The following CCDC90B variants were observed in gnomAD, a reference collection of about 807,000 sequenced individuals.
The protein encoded by CCDC90B is coiled-coil domain containing 90B, also known as coiled-coil domain-containing protein 90B, mitochondrial.
Under a neutral mutation model 37.0 loss-of-function variants are expected in CCDC90B, and 24 were observed. The ratio of observed to expected loss-of-function variants is 0.65; its 90% CI spans 0.47 to 0.91. The LOEUF (loss-of-function observed/expected upper bound fraction) is 0.91. Ranked by LOEUF, CCDC90B falls within the 40% of genes least tolerant of loss-of-function variation. The pLI is 0.00. For missense variants in CCDC90B, 319 were observed against 299.0 expected (o/e 1.07, Z -0.49); for synonymous variants, 113 against 101.1 (o/e 1.12, Z -0.71).
chr11:83,286,105 A>G lies in CCDC90B; in HGVS notation c.-133T>C. 1 of 1,536,656 alleles carries G rather than the reference A, an allele frequency of 6.5e-7. No homozygotes were observed. The highest frequency in any genetic ancestry group is 8.7e-7 in the Non-Finnish European group (1 of 1,146,894). On this transcript the variant is annotated 5_prime_UTR_variant, in exon 1 of 9. Transcript: ENST00000529689. ...TCGCTCTGTCACAAGCTCACCTCCC[A>G]GCGCAGGCGCCACCGTGGTCCCACG...
intron 8 of CCDC90B, among the ~76,000 whole-genome samples, chr11:83,263,460 T>C (rs1326326407): frequency 2.6e-5 from 4 of 152,220 alleles, no homozygotes; most frequent in African/African-American, 9.6e-5. Flanking sequence ...TAGGGAGACA[T>C]TCTACATATA....
Position 83,274,749 on chromosome 11 carries a change from C to A in CCDC90B, c.325-9G>T, listed in dbSNP as rs755852395. The A allele has an allele frequency of 1.2e-5, 19 of 1,556,220 alleles. No individual in the cohort carries two copies. The highest frequency in any genetic ancestry group is 1.7e-5 in the Admixed American group (1 of 57,404). On this transcript the variant is annotated splice_polypyrimidine_tract_variant and intron_variant, in intron 3 of 8. Coordinates refer to ENST00000529689, the MANE Select transcript of CCDC90B (RefSeq NM_021825.5). ...TGTTGTACTGTTATTTCCTAGAAAA[C>A]AAAATAAAAATAACCTAGTGATCTA...
intron 7 of CCDC90B, among the ~76,000 whole-genome samples, chr11:83,268,231 C>G (rs879721733): frequency 6.6e-6 from 1 of 152,160 alleles, no homozygotes; most frequent in Non-Finnish European, 1.5e-5. Context: ...ATCATAATGA[C>G]AGGATCAAAT....
chr11:83,280,811 C>T (rs576871939), intron 1 of CCDC90B, among the ~76,000 whole-genome samples: 4 of 152,314 alleles, frequency 2.6e-5, no homozygotes, highest in African/African-American at 9.6e-5. Flanking sequence ...CTGTGGTTTT[C>T]ACTACTGTAT....
chr11:83,272,264 T>A (rs568541603), intron 7 of CCDC90B, among the ~76,000 whole-genome samples: 131 of 152,176 alleles, frequency 8.6e-4, no homozygotes, highest in African/African-American at 1.5e-3. Flanking sequence ...AATTTTTTTT[T>A]AAAAACACTA....
rs185162923 is a variant in CCDC90B, at chr11:83,273,464, G to C, written c.594+183C>G. ...TTCTTACTTCAAGGTCATGGCTCAT[G>C]GGCGACCATCTACCTGGTGCCAGGT... On this transcript the variant is annotated intron_variant, in intron 7 of 8. Coordinates refer to ENST00000529689, the MANE Select transcript of CCDC90B (RefSeq NM_021825.5). 9 of 433,974 alleles carry C rather than the reference G, an allele frequency of 2.1e-5. No individual in the cohort carries two copies. In the East Asian group the frequency reaches 3.1e-4, roughly 15 times the overall value. 26.9% of individuals were successfully genotyped at this position (433,974 alleles called of 1,614,324 possible).
chr11:83,276,180 A>C (rs1865015374), intron 3 of CCDC90B, among the ~76,000 whole-genome samples: 2 of 152,152 alleles, frequency 1.3e-5, no homozygotes, highest in South Asian at 4.1e-4. Flanking sequence ...ATTAATTCAG[A>C]AGTCACACAG....
At chr11:83,268,063 T>C (rs566187980) in intron 7 of CCDC90B, among the ~76,000 whole-genome samples, 4 of 152,274 alleles carry the variant, frequency 2.6e-5, no homozygotes, top group South Asian at 2.1e-4. Flanking sequence ...CTGAGAGATT[T>C]TGTCACCACC....
At chr11:83,269,878 G>A (rs554090070) in intron 7 of CCDC90B, among the ~76,000 whole-genome samples, 59 of 152,220 alleles carry the variant, frequency 3.9e-4, no homozygotes, top group African/African-American at 1.3e-3. Context: ...AGCAATATCC[G>A]TGATGAACGT....
Position 83,260,751 on chromosome 11 carries a change from G to C in CCDC90B, c.*1160C>G, listed in dbSNP as rs1386706149. ...TAAGACTGAAGAACTAAGATGAAAA[G>C]GATATTTTAAAATTTCTTTGAAATT... is the stretch of plus-strand genomic sequence containing the variant. On this transcript the variant is annotated 3_prime_UTR_variant, in exon 9 of 9. Coordinates refer to ENST00000529689, the MANE Select transcript of CCDC90B (RefSeq NM_021825.5). The C allele has an allele frequency of 6.6e-6, 1 of 151,990 alleles. No homozygotes were observed. The highest frequency in any genetic ancestry group is 1.5e-5 in the Non-Finnish European group (1 of 68,010). The allele number at this position is 151,990 out of a possible 1,614,324, so 9.4% of individuals were successfully genotyped here.
intron 3 of CCDC90B, among the ~76,000 whole-genome samples, chr11:83,277,556 C>T (rs982220187): frequency 7.9e-5 from 12 of 152,080 alleles, no homozygotes; most frequent in Non-Finnish European, 1.6e-4. Context: ...AATGTTGGCT[C>T]ATTGCAACCT....
At chr11:83,269,659 T>C (rs751174377) in intron 7 of CCDC90B, among the ~76,000 whole-genome samples, 6 of 152,196 alleles carry the variant, frequency 3.9e-5, no homozygotes, top group African/African-American at 7.2e-5. Context: ...ATTGAGGCAG[T>C]AATTAATAGC....
chr11:83,266,320 G>C (rs1864270448), intron 7 of CCDC90B, among the ~76,000 whole-genome samples: 1 of 152,254 alleles, frequency 6.6e-6, no homozygotes, highest in South Asian at 2.1e-4. Context: ...CACCCTGGAA[G>C]CGCAAGGGGT....
intron 4 of CCDC90B, chr11:83,274,316 G>T (rs963465150): frequency 1.1e-5 from 3 of 278,658 alleles, no homozygotes; most frequent in African/African-American, 4.4e-5. Context: ...TTTAGTACAG[G>T]ATTAAATAAA....
intron 8 of CCDC90B, among the ~76,000 whole-genome samples, chr11:83,262,909 C>A (rs1864012689): frequency 6.6e-6 from 1 of 152,158 alleles, no homozygotes; most frequent in Admixed American, 6.5e-5. Flanking sequence ...GATCCTGCTA[C>A]TATTTGCTGT....
At position 83,261,893 on chromosome 11, in the gene CCDC90B, G is replaced by T; in HGVS notation, c.*18C>A. 6.3e-7 allele frequency: 1 copy of T among 1,582,192 alleles called. No individual in the cohort carries two copies. The highest frequency in any genetic ancestry group is 8.6e-7 in the Non-Finnish European group (1 of 1,159,928). Reference sequence around the variant, plus strand: ...GTGTTCTAAGAAGCCAACAGCCACAGCAGGATGAGCATTAATACTACTTCC... The same window carrying T: ...GTGTTCTAAGAAGCCAACAGCCACATCAGGATGAGCATTAATACTACTTCC... On this transcript the variant is annotated 3_prime_UTR_variant, in exon 9 of 9. Transcript: ENST00000529689.
At chr11:83,272,699 G>C (rs979393598) in intron 7 of CCDC90B, among the ~76,000 whole-genome samples, 8 of 152,172 alleles carry the variant, frequency 5.3e-5, no homozygotes, top group Non-Finnish European at 1.0e-4. Context: ...AGTAAGGGAA[G>C]AGAATAAGAT....
chr11:83,283,333 C>G (rs1451267445), intron 1 of CCDC90B, among the ~76,000 whole-genome samples: 1 of 152,212 alleles, frequency 6.6e-6, no homozygotes, highest in Non-Finnish European at 1.5e-5. Flanking sequence ...GAGAAGTTAT[C>G]CAGACAGGAT....
chr11:83,271,687 C>T (rs1864679131), intron 7 of CCDC90B, among the ~76,000 whole-genome samples: 1 of 152,178 alleles, frequency 6.6e-6, no homozygotes, highest in African/African-American at 2.4e-5. Flanking sequence ...TTCGTTCAAC[C>T]ATTGTGGAAG....
Sources: allele counts gnomAD v4.1 joint callset (sites outside exome capture counted in the v4.1 genomes callset), GRCh38; gene constraint gnomAD v4.1.1; transcripts MANE v1.5; gene names NCBI Gene and HGNC (gene_info 2026-07-23, HGNC 2026-07-21).